Variants in PDE4D observed in about 807,000 individuals in gnomAD.
PDE4D encodes the protein phosphodiesterase 4D.
In PDE4D, 24 loss-of-function variants were observed where a neutral mutation model predicts 87.4. That is an observed-to-expected ratio of 0.27 (90% CI 0.20 to 0.39). PDE4D has a LOEUF of 0.39. Ranked by LOEUF, PDE4D falls within the 10% of genes least tolerant of loss-of-function variation. The probability of loss-of-function intolerance (pLI) is 1.00; values close to 1 mark genes in which losing one functional copy is unlikely to be tolerated. For synonymous variants in PDE4D, 384 were observed against 383.2 expected (o/e 1.00, Z -0.02); for missense variants, 714 against 1,041.0 (o/e 0.69, Z 4.32).
rs375912245 is a variant in PDE4D at position 60,039,198 on chromosome 5, G to C, written c.43-50481C>G. Among the ~76,000 whole-genome samples, 389 of 152,020 alleles carry C rather than the reference G, an allele frequency of 2.6e-3. 1 individual carries two copies. The highest frequency in any genetic ancestry group is 3.4e-3 in the Middle Eastern group (1 of 294). ...ACTTGGAACCAACCCAAATGTCCAAGAATGATAGACTGGATTAAGAAAATG... is the reference window on the plus strand; with the variant it reads ...ACTTGGAACCAACCCAAATGTCCAACAATGATAGACTGGATTAAGAAAATG... On this transcript the variant is annotated intron_variant, in intron 2 of 16. Transcript: ENST00000502484.
chr5:59,403,041 C>T (rs1790947166), intron 1 of PDE4D, among the ~76,000 whole-genome samples: 2 of 151,988 alleles, frequency 1.3e-5, no homozygotes, highest in African/African-American at 2.4e-5. Flanking sequence ...ATATTACCTT[C>T]TTTATTTGAT....
chr5:59,679,987 C>T (rs1748735402), intron 1 of PDE4D, among the ~76,000 whole-genome samples: 2 of 152,162 alleles, frequency 1.3e-5, no homozygotes, highest in South Asian at 4.1e-4. Flanking sequence ...TATTTTAAGA[C>T]CTAAACTTAA....
intron 3 of PDE4D, among the ~76,000 whole-genome samples, chr5:59,911,355 C>T (rs1331365794): frequency 6.6e-6 from 1 of 152,108 alleles, no homozygotes; most frequent in African/African-American, 2.4e-5. Context: ...TAAACTGGCT[C>T]ATCTGGTCTT....
intron 3 of PDE4D, among the ~76,000 whole-genome samples, chr5:59,916,544 C>T (rs906403702): frequency 2.0e-5 from 3 of 152,064 alleles, no homozygotes; most frequent in Admixed American, 1.3e-4. Context: ...AGGGTAAAAT[C>T]GATGCATTTA....
At chr5:59,965,093 G>A (rs1311964293) in intron 3 of PDE4D, among the ~76,000 whole-genome samples, 1 of 151,976 alleles carries the variant, frequency 6.6e-6, no homozygotes, top group African/African-American at 2.4e-5. Context: ...TTTTACTATG[G>A]ATAAACTGTC....
At chr5:60,351,210 G>A (rs903544304) in intron 1 of PDE4D, among the ~76,000 whole-genome samples, 8 of 152,144 alleles carry the variant, frequency 5.3e-5, no homozygotes, top group South Asian at 2.1e-4. Flanking sequence ...TATAATCCCC[G>A]TCTAGCTCAG....
chr5:59,719,402 G>A (rs1336884913), intron 1 of PDE4D, among the ~76,000 whole-genome samples: 1 of 152,100 alleles, frequency 6.6e-6, no homozygotes, highest in Non-Finnish European at 1.5e-5. Flanking sequence ...ATGGATAATA[G>A]TAAAATATAA....
At chr5:60,391,623 C>A (rs1762565968) in intron 1 of PDE4D, among the ~76,000 whole-genome samples, 1 of 152,106 alleles carries the variant, frequency 6.6e-6, no homozygotes, top group South Asian at 2.1e-4. Context: ...AGTCACAATT[C>A]CCTCTCTTTT....
chr5:59,816,687 A>ATAG (rs1326827997), intron 1 of PDE4D, among the ~76,000 whole-genome samples: 3 of 152,288 alleles, frequency 2.0e-5, no homozygotes, highest in African/African-American at 7.2e-5. Flanking sequence ...ATGTACACAG[A>ATAG]TAGTCTGCTC....
chr5:59,728,151 G>C (rs1756874350), intron 1 of PDE4D, among the ~76,000 whole-genome samples: 1 of 152,052 alleles, frequency 6.6e-6, no homozygotes, highest in African/African-American at 2.4e-5. Context: ...TTGAGGCTTA[G>C]ACACGTTAAA....
chr5:59,132,016 A>G (rs1776362588), intron 5 of PDE4D, among the ~76,000 whole-genome samples: 3 of 151,920 alleles, frequency 2.0e-5, no homozygotes, highest in Non-Finnish European at 4.4e-5. Context: ...TACTTTTCTG[A>G]TAGTTCCCAC....
At chr5:60,459,999 A>G (rs913960374) in intron 1 of PDE4D, 2 of 957,658 alleles carry the variant, frequency 2.1e-6, no homozygotes, top group Non-Finnish European at 3.4e-6. Context: ...CTTCTTCATC[A>G]TCCATATCGG....
chr5:59,061,848 G>T (rs1052744249), intron 5 of PDE4D, among the ~76,000 whole-genome samples: 3 of 152,060 alleles, frequency 2.0e-5, no homozygotes, highest in Non-Finnish European at 4.4e-5. Context: ...GTGAAAGCCT[G>T]CATATTTTTT....
intron 1 of PDE4D, among the ~76,000 whole-genome samples, chr5:59,637,693 T>C (rs552493144): frequency 2.2e-4 from 34 of 151,132 alleles, no homozygotes; most frequent in African/African-American, 8.0e-4. Flanking sequence ...TAAGTGGGAG[T>C]TGAACAATGA....
intron 2 of PDE4D, among the ~76,000 whole-genome samples, chr5:60,080,902 T>G (rs550681564): frequency 6.6e-6 from 1 of 152,328 alleles, no homozygotes; most frequent in African/African-American, 2.4e-5. Flanking sequence ...ATAAAATGAG[T>G]TAGGGAGGAG....
At chr5:59,346,198 G>A (rs1779578289) in intron 1 of PDE4D, among the ~76,000 whole-genome samples, 1 of 152,144 alleles carries the variant, frequency 6.6e-6, no homozygotes, top group Non-Finnish European at 1.5e-5. Context: ...GGTGCATAGT[G>A]ACTGGAAAGA....
chr5:60,500,986 T>A (rs1239374147), intron 1 of PDE4D, among the ~76,000 whole-genome samples: 1 of 129,704 alleles, frequency 7.7e-6, no homozygotes, highest in African/African-American at 4.2e-5. Flanking sequence ...CAGGTTTTCT[T>A]TTTTTTTTTA....
At chr5:60,021,424 T>C (rs1438158844) in intron 2 of PDE4D, 1 of 152,230 alleles carries the variant, frequency 6.6e-6, no homozygotes, top group East Asian at 1.9e-4. Context: ...TGTCACGCTG[T>C]AGCCACCTTG....
chr5:60,129,325 C>T (rs1779378854), intron 2 of PDE4D, among the ~76,000 whole-genome samples: 1 of 151,920 alleles, frequency 6.6e-6, no homozygotes, highest in African/African-American at 2.4e-5. Flanking sequence ...AAAGGGCCAA[C>T]AATGGTATAA....
Sources: gnomAD v4.1 joint callset for allele counts (sites outside exome capture counted in the v4.1 genomes callset) on GRCh38, gnomAD v4.1.1 for gene constraint, MANE v1.5 for transcripts, NCBI Gene and HGNC (gene_info 2026-07-23, HGNC 2026-07-21) for gene names.